CIRSR: variants seen among roughly 807,000 people sequenced by gnomAD.
CIRSR encodes the protein CBF1 (RBPJ) interacting corepressor 1.
chr2:174,353,640 G>A, the CIRSR span, among the ~76,000 whole-genome samples: 798 of 152,212 alleles, frequency 5.2e-3, 11 homozygotes, highest in African/African-American at 0.018. Flanking sequence ...GCTAATTTTC[G>A]TATTTGTAGT....
At chr2:174,350,790 G>T in the CIRSR span, 1 of 1,339,204 alleles carries the variant, frequency 7.5e-7, no homozygotes, top group African/African-American at 1.5e-5. Context: ...TTCAACACAA[G>T]GTAGTTAGTA....
the CIRSR span, among the ~76,000 whole-genome samples, chr2:174,377,168 AAAGAT>A: frequency 6.6e-6 from 1 of 152,220 alleles, no homozygotes; most frequent in East Asian, 1.9e-4. Flanking sequence ...GAGTGAAAGA[AAAGAT>A]AAGATGCAAC....
At chr2:174,390,609 G>T in the CIRSR span, among the ~76,000 whole-genome samples, 25 of 152,306 alleles carry the variant, frequency 1.6e-4, no homozygotes, top group African/African-American at 6.0e-4. Flanking sequence ...ATGAGATCTG[G>T]AAGGGGCTGG....
At chr2:174,352,226 C>T in the CIRSR span, among the ~76,000 whole-genome samples, 171 of 142,700 alleles carry the variant, frequency 1.2e-3, no homozygotes, top group Non-Finnish European at 2.1e-3. Flanking sequence ...CACACACACA[C>T]ATACACACAC....
the CIRSR span, among the ~76,000 whole-genome samples, chr2:174,364,200 G>A: frequency 2.6e-5 from 4 of 152,176 alleles, no homozygotes; most frequent in Non-Finnish European, 5.9e-5. Flanking sequence ...AAATCCAGCA[G>A]GACGGTCAAA....
At chr2:174,392,531 G>C in the CIRSR span, among the ~76,000 whole-genome samples, 1 of 152,124 alleles carries the variant, frequency 6.6e-6, no homozygotes, top group South Asian at 2.1e-4. Flanking sequence ...CTTAGGAAAT[G>C]CAACAATATA....
At chr2:174,381,428 G>A in the CIRSR span, among the ~76,000 whole-genome samples, 1 of 152,164 alleles carries the variant, frequency 6.6e-6, no homozygotes, top group African/African-American at 2.4e-5. Flanking sequence ...GCCGAGGTAG[G>A]TGGATCACGA....
the CIRSR span, among the ~76,000 whole-genome samples, chr2:174,385,833 C>G: frequency 1.3e-5 from 2 of 151,960 alleles, no homozygotes; most frequent in Admixed American, 1.3e-4. Flanking sequence ...TTCTTCCTTA[C>G]AGAGGAATTC....
At chr2:174,389,520 A>G in the CIRSR span, among the ~76,000 whole-genome samples, 5 of 152,290 alleles carry the variant, frequency 3.3e-5, no homozygotes, top group East Asian at 1.9e-4. Context: ...GAGGAAGCAC[A>G]GCATAAAATT....
the CIRSR span, among the ~76,000 whole-genome samples, chr2:174,359,533 T>G: frequency 6.6e-6 from 1 of 152,082 alleles, no homozygotes; most frequent in African/African-American, 2.4e-5. Context: ...CCAGTTAGAA[T>G]GGCGATCATT....
the CIRSR span, among the ~76,000 whole-genome samples, chr2:174,360,817 A>T: frequency 6.6e-6 from 1 of 152,214 alleles, no homozygotes; most frequent in Non-Finnish European, 1.5e-5. Context: ...AATTATAATA[A>T]TGTGTATAAA....
At chr2:174,376,866 T>C in the CIRSR span, among the ~76,000 whole-genome samples, 2 of 151,860 alleles carry the variant, frequency 1.3e-5, no homozygotes, top group African/African-American at 2.4e-5. Context: ...AGCTTTATTA[T>C]ATCTGAATTC....
the CIRSR span, chr2:174,380,647 T>G: frequency 6.2e-7 from 1 of 1,610,510 alleles, no homozygotes; most frequent in Non-Finnish European, 8.5e-7. Context: ...AAACCAGTCC[T>G]TACTTTTCTC....
the CIRSR span, among the ~76,000 whole-genome samples, chr2:174,369,783 T>G: frequency 2.0e-5 from 3 of 152,182 alleles, no homozygotes; most frequent in Non-Finnish European, 4.4e-5. Context: ...TCCATTAAGT[T>G]TGCCATCTTC....
At chr2:174,364,775 C>T in the CIRSR span, among the ~76,000 whole-genome samples, 1 of 152,206 alleles carries the variant, frequency 6.6e-6, no homozygotes, top group African/African-American at 2.4e-5. Flanking sequence ...GGACACAGGG[C>T]ACCAGGTCCC....
At chr2:174,376,634 A>G in the CIRSR span, among the ~76,000 whole-genome samples, 1 of 151,696 alleles carries the variant, frequency 6.6e-6, no homozygotes, top group Admixed American at 6.6e-5. Context: ...TGTCTCTACT[A>G]AAAATACAAA....
chr2:174,358,624 T>G, the CIRSR span: 1 of 152,690 alleles, frequency 6.5e-6, no homozygotes, highest in Admixed American at 6.5e-5. Flanking sequence ...TGATGATATA[T>G]CTGGCAATAA....
the CIRSR span, among the ~76,000 whole-genome samples, chr2:174,371,372 C>T: frequency 2.0e-5 from 3 of 152,110 alleles, no homozygotes; most frequent in African/African-American, 4.8e-5. Flanking sequence ...ACATTAAAAA[C>T]ACAAGTAGCT....
chr2:174,388,849 T>C, the CIRSR span, among the ~76,000 whole-genome samples: 2,630 of 152,192 alleles, frequency 0.017, 74 homozygotes, highest in African/African-American at 0.059. Context: ...AATTGAATCA[T>C]GGGGGCGGTT....
Sources: allele counts gnomAD v4.1 joint callset (sites outside exome capture counted in the v4.1 genomes callset), GRCh38; gene constraint gnomAD v4.1.1; transcripts MANE v1.5; gene names NCBI Gene and HGNC (gene_info 2026-07-23, HGNC 2026-07-21).